LCN15: variants seen among roughly 807,000 people sequenced by gnomAD.
LCN15 encodes the protein lipocalin-15.
LCN15 carries 26 observed loss-of-function variants against 23.1 expected under a neutral mutation model. The ratio of observed to expected loss-of-function variants is 1.13; its 90% confidence interval spans 0.82 to 1.56. The LOEUF (loss-of-function observed/expected upper bound fraction) is 1.56. Ranked by LOEUF, LCN15 falls within the 40% of genes most tolerant of loss-of-function variation. The probability of loss-of-function intolerance (pLI) is 0.00; values close to 1 mark genes in which losing one functional copy is unlikely to be tolerated. For synonymous variants in LCN15, 107 were observed against 98.3 expected (o/e 1.09, Z -0.52); for missense variants, 241 against 239.5 (o/e 1.01, Z -0.04).
rs749743079 is a variant in LCN15, at chr9:136,764,514, G to A, written c.-26C>T. 2 of 1,592,154 alleles carry A rather than the reference G, an allele frequency of 1.3e-6. No individual in the cohort carries two copies. The highest frequency in any genetic ancestry group is 1.7e-6 in the Non-Finnish European group (2 of 1,165,638). ...CCCCTCCCCTGCCCTCCAGCCCCTG[G>A]TGCTGAGTCCCCAAGCCCCAGGGGG... On this transcript the variant is annotated 5_prime_UTR_variant, in exon 1 of 7. Transcript: ENST00000316144.
In LCN15 at chr9:136,763,584, G is replaced by T. The variant is rs1393966477; in HGVS notation, c.308-117C>A. 4.1e-6 allele frequency: 5 copies of T among 1,222,784 alleles called. No homozygotes were observed. In the Admixed American group the frequency reaches 1.0e-4, roughly 25 times the overall value. 75.7% of individuals were successfully genotyped at this position (1,222,784 alleles called of 1,614,324 possible). On this transcript the variant is annotated intron_variant, in intron 3 of 6. Transcript: ENST00000316144. ...AGCCTGTTCCCCGAAGACAGAGGAG[G>T]GGCGGGGAGGGCGGGCAGGGGGCTG...
rs558320908 is a variant in LCN15, at chr9:136,761,582, G to A, written c.*32+205C>T. ...GGCCAAACTTCTGCTGTTTTAAGTC[G>A]CCCCATTTGTGGTACTCTGTGATGG... On this transcript the variant is annotated intron_variant, in intron 6 of 6. Coordinates refer to ENST00000316144, the MANE Select transcript of LCN15 (RefSeq NM_203347.2). The surrounding 1 kb of genome is among the most constrained non-coding windows in gnomAD (Gnocchi z 4.2). 3.8e-4 allele frequency among the ~76,000 whole-genome samples: 58 copies of A among 152,244 alleles called. No homozygotes were observed. Among genetic ancestry groups the A allele is most frequent in the Non-Finnish European group, 6.5e-4 (44 of 68,012 alleles).
chr9:136,763,709 C>T lies in LCN15; in HGVS notation c.307+4G>A, dbSNP rs762355769. 6.2e-7 allele frequency: 1 copy of T among 1,613,168 alleles called. No individual in the cohort carries two copies. Among genetic ancestry groups the T allele is most frequent in the South Asian group, 1.1e-5 (1 of 91,072 alleles). Reference sequence around the variant, plus strand: ...CCCCTGAAGGCAGAGGAGGCAGGACCTACCCGGGACTCTGAAGTGTCCCTC... The same window carrying T: ...CCCCTGAAGGCAGAGGAGGCAGGACTTACCCGGGACTCTGAAGTGTCCCTC... On this transcript the variant is annotated splice_donor_region_variant and intron_variant, in intron 3 of 6. Transcript: ENST00000316144.
chr9:136,763,926 G>C lies in LCN15; in HGVS notation c.180C>G (p.Thr60=). The C allele has an allele frequency of 6.2e-7, 1 of 1,613,686 alleles. No homozygotes were observed. Among genetic ancestry groups the C allele is most frequent in the Non-Finnish European group, 8.5e-7 (1 of 1,179,978 alleles). ...LGKKDHLSMS[T]RAIRPTEEGG... ...CCTCCTCTGTGGGCCTGATGGCCCT[G>C]GTGGACATGGACAGGTGGTCCTTCT... Residue 60 remains threonine (T), a synonymous_variant, in exon 2 of 7, where the codon ACC becomes ACG. Transcript: ENST00000316144.
rs200437324 is a variant in LCN15, at chr9:136,763,673, G to A, written c.307+40C>T. On this transcript the variant is annotated intron_variant, in intron 3 of 6. Coordinates refer to ENST00000316144, the MANE Select transcript of LCN15 (RefSeq NM_203347.2). ...AGCCCCACGTCACCCCCAGAGAAGC[G>A]GCATCCAGCACCCCTGAAGGCAGAG... The A allele has an allele frequency of 1.6e-4, 264 of 1,601,282 alleles. 1 individual carries two copies. The highest frequency in any genetic ancestry group is 7.4e-4 in the Middle Eastern group (4 of 5,404).
intron 6 of LCN15, among the ~76,000 whole-genome samples, chr9:136,760,733 G>A (rs1287871635): frequency 6.6e-6 from 1 of 152,222 alleles, no homozygotes. Flanking sequence ...TGGGCCCTGG[G>A]GGAGAAGACA....
intron 1 of LCN15, 28 bp downstream of exon 1, chr9:136,764,365 A>C (rs1217435942): frequency 6.3e-7 from 1 of 1,591,076 alleles, no homozygotes; most frequent in Non-Finnish European, 8.6e-7. Flanking sequence ...GCTCCCACCC[A>C]CCACAGGACA....
intron 6 of LCN15, among the ~76,000 whole-genome samples, chr9:136,760,896 C>G (rs1187581937): frequency 6.6e-6 from 1 of 152,240 alleles, no homozygotes; most frequent in Non-Finnish European, 1.5e-5. Flanking sequence ...TGGAAACGGT[C>G]TTTGCAGATA....
At chr9:136,762,683 C>T (rs1253984428) in intron 4 of LCN15, among the ~76,000 whole-genome samples, 3 of 152,162 alleles carry the variant, frequency 2.0e-5, no homozygotes, top group African/African-American at 7.2e-5. Context: ...GGACGGATCA[C>T]GAGGTCAGGA....
chr9:136,763,994 A>G lies in LCN15; in HGVS notation c.112T>C (p.Tyr38His), dbSNP rs775005025. 6.2e-6 allele frequency: 10 copies of G among 1,613,132 alleles called. No homozygotes were observed. The highest frequency in any genetic ancestry group is 8.5e-6 in the Non-Finnish European group (10 of 1,179,922). Reference sequence around the variant, plus strand: ...CAGTCAGATGCCATGGAGACCACGTACCAGAGGCCTGAGAACTGCCGGGGG... The same window carrying G: ...CAGTCAGATGCCATGGAGACCACGTGCCAGAGGCCTGAGAACTGCCGGGGG... ...FNAEKFSGLW[Y>H]VVSMASDCRV... The change falls in exon 2 of 7, where the codon TAC (tyrosine) becomes CAC (histidine). Residue 38 changes from tyrosine (Y) to histidine (H), a missense_variant. Physicochemically the swap from Tyr to His is moderately conservative, Grantham distance 83. Coordinates refer to ENST00000316144, the MANE Select transcript of LCN15 (RefSeq NM_203347.2).
Position 136,761,155 on chromosome 9 carries a change from G to A in LCN15, c.*32+632C>T, listed in dbSNP as rs1349066345. Among the ~76,000 whole-genome samples the A allele has an allele frequency of 6.6e-6, 1 of 152,172 alleles. No individual in the cohort carries two copies. The highest frequency in any genetic ancestry group is 2.4e-5 in the African/African-American group (1 of 41,424). ...CGGCAGCCGTGGGAGCTGGGGGGGC[G>A]GTGTGGGAGGGAGTCTCCTTCAGAG... On this transcript the variant is annotated intron_variant, in intron 6 of 6. Transcript: ENST00000316144. This position sits in a 1 kb window ranked among gnomAD's most constrained non-coding sequence, Gnocchi z 4.2.
At position 136,761,769 on chromosome 9, in the gene LCN15, A is replaced by G; in HGVS notation, c.*32+18T>C. ...GAGAGGCAACCAGGGCATCCCCTGCAGGGCCTGGAGAACCCACCTGGGAAG... is the reference window on the plus strand; with the variant it reads ...GAGAGGCAACCAGGGCATCCCCTGCGGGGCCTGGAGAACCCACCTGGGAAG... On this transcript the variant is annotated intron_variant, in intron 6 of 6. Coordinates refer to ENST00000316144, the MANE Select transcript of LCN15 (RefSeq NM_203347.2). The surrounding 1 kb of genome is among the most constrained non-coding windows in gnomAD (Gnocchi z 4.2). 1 of 1,214,584 alleles carries G rather than the reference A, an allele frequency of 8.2e-7. No individual in the cohort carries two copies. Among genetic ancestry groups the G allele is most frequent in the Non-Finnish European group, 1.0e-6 (1 of 962,488 alleles). The allele number at this position is 1,214,584 out of a possible 1,614,324, so 75.2% of individuals were successfully genotyped here.
chr9:136,763,614 C>G (rs958658390), intron 3 of LCN15, 99 bp downstream of exon 3: 11 of 1,406,890 alleles, frequency 7.8e-6, no homozygotes, highest in Non-Finnish European at 1.1e-5. Flanking sequence ...GGGCTGGAGA[C>G]TGGGATGGAC....
chr9:136,762,060 C>T, intron 5 of LCN15, 128 bp downstream of exon 5: 1 of 760,442 alleles, frequency 1.3e-6, no homozygotes, highest in Non-Finnish European at 2.1e-6. Flanking sequence ...GGCTGCCAGC[C>T]CACCCCTGGA....
At chr9:136,760,181 G>T (rs1271061118) in intron 6 of LCN15, among the ~76,000 whole-genome samples, 1 of 152,254 alleles carries the variant, frequency 6.6e-6, no homozygotes, top group Non-Finnish European at 1.5e-5. Context: ...TGGTGGCCCA[G>T]GCGGGGCACT....
Position 136,761,909 on chromosome 9 carries a change from C to A in LCN15, c.521-56G>T. 1.5e-6 allele frequency: 2 copies of A among 1,301,798 alleles called. No individual in the cohort carries two copies. Among genetic ancestry groups the A allele is most frequent in the East Asian group, 3.1e-5 (1 of 32,096 alleles). 80.6% of individuals were successfully genotyped at this position (1,301,798 alleles called of 1,614,324 possible). The stretch of plus-strand genomic sequence containing the variant: ...GACGGCCAGGACCGCCCTCGCTTCC[C>A]GCAGCCCCCAACCCCTGGGTGCCAA... On this transcript the variant is annotated intron_variant, in intron 5 of 6. Transcript: ENST00000316144. This position sits in a 1 kb window ranked among gnomAD's most constrained non-coding sequence, Gnocchi z 4.2.
chr9:136,764,234 C>T (rs1483583018), intron 1 of LCN15, 159 bp downstream of exon 1: 2 of 821,612 alleles, frequency 2.4e-6, no homozygotes, highest in African/African-American at 1.7e-5. Context: ...ATGATCCATT[C>T]ACAGGTTGGT....
At chr9:136,764,080 G>A in intron 1 of LCN15, 71 bp from the exon 2 acceptor site, 2 of 1,572,946 alleles carry the variant, frequency 1.3e-6, no homozygotes, top group African/African-American at 2.7e-5. Context: ...GGGACCCAGG[G>A]GACAACTCAG....
intron 6 of LCN15, 81 bp from the exon 7 acceptor site, chr9:136,759,864 T>C (rs1437913985): frequency 6.6e-6 from 1 of 152,262 alleles, no homozygotes; most frequent in Non-Finnish European, 1.5e-5. Flanking sequence ...TGGGCATCAC[T>C]CTTCCAAAGC....
Sources: gnomAD v4.1 joint callset for allele counts (sites outside exome capture counted in the v4.1 genomes callset) on GRCh38, gnomAD v4.1.1 for gene constraint, Gnocchi (gnomAD v3.1) non-coding constraint, MANE v1.5 for transcripts, NCBI Gene and HGNC (gene_info 2026-07-23, HGNC 2026-07-21) for gene names.